The following FKBP14 variants were observed in gnomAD, a reference collection of about 807,000 sequenced individuals.
FKBP14 encodes the protein peptidyl-prolyl cis-trans isomerase FKBP14.
FKBP14 carries 20 observed loss-of-function variants against 21.6 expected under a neutral mutation model. The observed-to-expected ratio is 0.92, with a 90% CI of 0.65 to 1.34. The LOEUF (loss-of-function observed/expected upper bound fraction) is 1.34. FKBP14 is among the 40% of genes most tolerant of loss of function. The pLI, the probability that FKBP14 is intolerant of heterozygous loss-of-function variation, is 0.00. For missense variants in FKBP14, 253 were observed against 249.0 expected (o/e 1.02, Z -0.11); for synonymous variants, 79 against 86.7 (o/e 0.91, Z 0.49).
chr7:30,022,911 T>C (rs1562839373), intron 1 of FKBP14, 95 bp from the exon 2 acceptor site: 3 of 1,126,338 alleles, frequency 2.7e-6, no homozygotes, highest in Non-Finnish European at 3.7e-6. Flanking sequence ...AGTTTATTAG[T>C]TTAAAAATTT....
At chr7:30,025,997 T>G (rs1790162272) in intron 1 of FKBP14, among the ~76,000 whole-genome samples, 1 of 152,242 alleles carries the variant, frequency 6.6e-6, no homozygotes, top group Non-Finnish European at 1.5e-5. Flanking sequence ...AGAATTCTTT[T>G]GGGCTTTTTC....
Position 30,012,510 on chromosome 7 carries a change from T to C in FKBP14, c.*2225A>G, listed in dbSNP as rs769982543. 16 of 152,250 alleles carry C rather than the reference T, an allele frequency of 1.1e-4. No homozygotes were observed. The highest frequency in any genetic ancestry group is 8.5e-4 in the Admixed American group (13 of 15,288). The allele number at this position is 152,250 out of a possible 1,614,324, so 9.4% of individuals were successfully genotyped here. A position where few individuals can be genotyped will look rare whatever the true frequency, so the allele number is the denominator to read the frequency against. ...GACTTAATAGTTTTCAACATACAGC[T>C]GATTTTGTTGGAGAAAGGTGTTACA... On this transcript the variant is annotated 3_prime_UTR_variant, in exon 4 of 4. Transcript: ENST00000222803.
chr7:30,018,499 T>G (rs1218458624), intron 3 of FKBP14, among the ~76,000 whole-genome samples: 1 of 152,218 alleles, frequency 6.6e-6, no homozygotes, highest in Non-Finnish European at 1.5e-5. Flanking sequence ...TGGGGTCTCT[T>G]TTCTCTGGGG....
At chr7:30,006,230 T>G (rs191658425), downstream of FKBP14, among the ~76,000 whole-genome samples, 414 of 150,788 alleles carry the variant, frequency 2.7e-3, 2 homozygotes, top group Admixed American at 4.9e-3. Flanking sequence ...CAAGCAATCT[T>G]CCCATCTCAG....
rs1206876671 is a variant in FKBP14, at chr7:30,019,888, TTATATA to T, written c.350-771_350-766del. Among the ~76,000 whole-genome samples the T allele has an allele frequency of 3.3e-5, 5 of 152,144 alleles. No homozygotes were observed. In the East Asian group the frequency reaches 9.6e-4, roughly 29 times the overall value. Reference sequence around the variant, plus strand: ...GAAACACTACCTCTGATATAGAACATTATATATATGTTGAAGACATTTCATGGGAGG... The same window carrying T: ...GAAACACTACCTCTGATATAGAACATTATGTTGAAGACATTTCATGGGAGG... On this transcript the variant is annotated intron_variant, in intron 2 of 3. Transcript: ENST00000222803.
In FKBP14 at chr7:30,012,112, C is replaced by T. The variant is rs1789755769; in HGVS notation, c.*2623G>A. 1 of 152,224 alleles carries T rather than the reference C, an allele frequency of 6.6e-6. No individual in the cohort carries two copies. 9.4% of individuals were successfully genotyped at this position (152,224 alleles called of 1,614,324 possible). On this transcript the variant is annotated 3_prime_UTR_variant, in exon 4 of 4. Transcript: ENST00000222803. ...TGAAATAACCTAATTAGACATTTCT[C>T]AGAGTGCATCTCCATCATTAAGTGA... is the stretch of plus-strand genomic sequence containing the variant.
chr7:30,023,346 G>C (rs752925109), intron 1 of FKBP14, among the ~76,000 whole-genome samples: 3 of 152,190 alleles, frequency 2.0e-5, no homozygotes, highest in Admixed American at 2.0e-4. Flanking sequence ...AGGCTAAGGA[G>C]AATTTACTGC....
rs1221838077 is a variant in FKBP14, at chr7:30,014,035, G to A, written c.*700C>T. The A allele has an allele frequency of 6.6e-6, 1 of 151,966 alleles. No individual in the cohort carries two copies. Among genetic ancestry groups the A allele is most frequent in the African/African-American group, 2.4e-5 (1 of 41,380 alleles). 9.4% of individuals were successfully genotyped at this position (151,966 alleles called of 1,614,324 possible). ...CGCATCACCACGCCCGGCTACTTTT[G>A]TATTTTTAGTAGAGATAGGGTTTCT... is the stretch of plus-strand genomic sequence containing the variant. On this transcript the variant is annotated 3_prime_UTR_variant, in exon 4 of 4. Transcript: ENST00000222803.
At chr7:30,020,443 AATACAACGT>A (rs1395373645) in intron 2 of FKBP14, 1 of 350,136 alleles carries the variant, frequency 2.9e-6, no homozygotes, top group Non-Finnish European at 5.4e-6. Flanking sequence ...GTAATGGACT[AATACAACGT>A]ACAGTAGTCC....
downstream of FKBP14, among the ~76,000 whole-genome samples, chr7:30,009,148 G>C (rs1311515033): frequency 6.6e-6 from 1 of 151,388 alleles, no homozygotes; most frequent in African/African-American, 2.4e-5. Flanking sequence ...TGGAAAAGAA[G>C]TTCTTTTTTA....
Position 30,012,817 on chromosome 7 carries a change from G to A in FKBP14, c.*1918C>T, listed in dbSNP as rs1380897442. On this transcript the variant is annotated 3_prime_UTR_variant, in exon 4 of 4. Transcript: ENST00000222803. Reference sequence around the variant, plus strand: ...AGAAACAGGCAGAAAGCCATCTTCAGAGAATGAAGACTCAAAGATAAACAA... The same window carrying A: ...AGAAACAGGCAGAAAGCCATCTTCAAAGAATGAAGACTCAAAGATAAACAA... 1 of 152,192 alleles carries A rather than the reference G, an allele frequency of 6.6e-6. No homozygotes were observed. The highest frequency in any genetic ancestry group is 1.5e-5 in the Non-Finnish European group (1 of 68,030). The allele number at this position is 152,192 out of a possible 1,614,324, so 9.4% of individuals were successfully genotyped here. A position where few individuals can be genotyped will look rare whatever the true frequency, so the allele number is the denominator to read the frequency against.
In FKBP14 at chr7:30,026,445, T is replaced by G; in HGVS notation, c.64A>C (p.Ile22Leu). ...TCAATTTTCACTTCTGGTTCAGGGA[T>G]CAAAGCCCCAATCAAAGAAGTGACG... ...LFVTSLIGAL[I>L]PEPEVKIEVL... The change falls in exon 1 of 4, where the codon ATC becomes CTC. Residue 22 changes from isoleucine to leucine, a missense_variant. Coordinates refer to ENST00000222803, the MANE Select transcript of FKBP14 (RefSeq NM_017946.4). 1 of 1,614,104 alleles carries G rather than the reference T, an allele frequency of 6.2e-7. No homozygotes were observed. The highest frequency in any genetic ancestry group is 8.5e-7 in the Non-Finnish European group (1 of 1,179,992).
At chr7:30,010,022 A>G (rs184942152), downstream of FKBP14, among the ~76,000 whole-genome samples, 1 of 152,214 alleles carries the variant, frequency 6.6e-6, no homozygotes, top group Non-Finnish European at 1.5e-5. Flanking sequence ...GAAAAAAAAT[A>G]GAAAAGAAAT....
At chr7:30,019,690 T>C (rs901615809) in intron 2 of FKBP14, among the ~76,000 whole-genome samples, 8 of 152,064 alleles carry the variant, frequency 5.3e-5, no homozygotes, top group African/African-American at 1.9e-4. Flanking sequence ...AAAATGCAGA[T>C]AATAAATTTC....
chr7:30,025,450 C>G (rs183791820), intron 1 of FKBP14: 2 of 152,350 alleles, frequency 1.3e-5, no homozygotes, highest in Admixed American at 1.3e-4. Context: ...CAGGACCTGA[C>G]TTGTGACCAT....
In FKBP14 at chr7:30,021,248, T is replaced by C. The variant is rs550575839; in HGVS notation, c.349+1417A>G. On this transcript the variant is annotated intron_variant, in intron 2 of 3. Transcript: ENST00000222803. Reference sequence around the variant, plus strand: ...TTATTTCCTTATGATTAACTTTCTATGTATATGTACCTTTTCCTATATTTA... The same window carrying C: ...TTATTTCCTTATGATTAACTTTCTACGTATATGTACCTTTTCCTATATTTA... Among the ~76,000 whole-genome samples the C allele has an allele frequency of 2.4e-4, 36 of 152,344 alleles. 1 individual carries two copies. The highest frequency in any genetic ancestry group is 6.8e-3 in the Middle Eastern group (2 of 294).
At chr7:30,014,975 TTA>T in intron 3 of FKBP14, 82 bp from the exon 4 acceptor site, 1 of 837,576 alleles carries the variant, frequency 1.2e-6, no homozygotes, top group Non-Finnish European at 1.8e-6. Flanking sequence ...ACATGGACTG[TTA>T]TTATATTTAG....
Position 30,026,312 on chromosome 7 carries a change from G to C in FKBP14, c.197C>G (p.Thr66Ser). The C allele has an allele frequency of 1.2e-6, 2 of 1,601,156 alleles. No individual in the cohort carries two copies. Among genetic ancestry groups the C allele is most frequent in the Non-Finnish European group, 1.7e-6 (2 of 1,172,264 alleles). The change falls in exon 1 of 4, where the codon ACT becomes AGT. Residue 66 changes from threonine to serine, a missense_variant and splice_region_variant. Coordinates refer to ENST00000222803, the MANE Select transcript of FKBP14 (RefSeq NM_017946.4). The stretch of plus-strand genomic sequence containing the variant: ...TTACCTGCGGGGCATAATTACTTAC[G>C]TGGAGTGAAATAAGGAGCCGTCCTT... ...LEKDGSLFHS[T>S]HKHNNGQPIW...
At position 30,011,575 on chromosome 7, in the gene FKBP14, G is replaced by GTATATATATATATACCATATATATGGTA. The variant is rs1789734288; in HGVS notation, c.*3159_*3160insTACCATATATATGGTATATATATATATA. On this transcript the variant is annotated 3_prime_UTR_variant, in exon 4 of 4. Transcript: ENST00000222803. ...TATATATATATATACCATATATATG[G>GTATATATATATATACCATATATATGGTA]TATATATATATATATAGTATATATA... 1 of 123,362 alleles carries GTATATATATATATACCATATATATGGTA rather than the reference G, an allele frequency of 8.1e-6. No individual in the cohort carries two copies. Among genetic ancestry groups the GTATATATATATATACCATATATATGGTA allele is most frequent in the African/African-American group, 3.1e-5 (1 of 32,722 alleles). 7.6% of individuals were successfully genotyped at this position (123,362 alleles called of 1,614,324 possible).
Sources: gnomAD v4.1 joint callset for allele counts (sites outside exome capture counted in the v4.1 genomes callset) on GRCh38, gnomAD v4.1.1 for gene constraint, MANE v1.5 for transcripts, NCBI Gene and HGNC (gene_info 2026-07-23, HGNC 2026-07-21) for gene names.